Variants in TMEM63B observed in about 807,000 individuals in gnomAD.
TMEM63B encodes transmembrane protein 63B.
TMEM63B carries 23 observed loss-of-function variants against 102.6 expected under a neutral mutation model. That is an observed-to-expected ratio of 0.22 (90% confidence interval 0.16 to 0.32). The LOEUF (loss-of-function observed/expected upper bound fraction) is 0.32. Ranked by LOEUF, TMEM63B falls within the 10% of genes least tolerant of loss-of-function variation. The pLI, the probability that TMEM63B is intolerant of heterozygous loss-of-function variation, is 1.00. For missense variants in TMEM63B, 628 were observed against 1,095.9 expected (o/e 0.57, Z 6.03); for synonymous variants, 444 against 437.0 (o/e 1.02, Z -0.20).
Position 44,148,123 on chromosome 6 carries a change from C to CAA in TMEM63B, c.988-117_988-116dup, listed in dbSNP as rs371607572. The CAA allele has an allele frequency of 5.0e-4, 588 of 1,178,356 alleles. No homozygotes were observed. Among genetic ancestry groups the CAA allele is most frequent in the Middle Eastern group, 6.1e-4 (2 of 3,266 alleles). The allele number at this position is 1,178,356 out of a possible 1,614,324, so 73.0% of individuals were successfully genotyped here. A position where few individuals can be genotyped will look rare whatever the true frequency, so the allele number is the denominator to read the frequency against. Reference sequence around the variant, plus strand: ...GGGCATCAGAGCGAGACGCTGTTTCCAAAAAAAAAAAAATGCTTAGAGGAG... The same window carrying CAA: ...GGGCATCAGAGCGAGACGCTGTTTCCAAAAAAAAAAAAAAATGCTTAGAGGAG... On this transcript the variant is annotated intron_variant, in intron 12 of 23. Transcript: ENST00000323267. This position sits in a 1 kb window ranked among gnomAD's most constrained non-coding sequence, Gnocchi z 5.1.
chr6:44,153,878 G>A (rs201092055), intron 21 of TMEM63B, 35 bp downstream of exon 21: 28 of 1,599,626 alleles, frequency 1.8e-5, no homozygotes, highest in South Asian at 4.5e-5. Flanking sequence ...GGGGGGTGGC[G>A]AGCAGAGTGG....
chr6:44,154,413 C>G lies in TMEM63B; in HGVS notation c.2275C>G (p.Pro759Ala), dbSNP rs1282371858. Reference sequence around the variant, plus strand: ...TGTGGACCCCAGAAGCAATGGACGGCCCCCCACTGCTGCTGCTGTCCCCAA... The same window carrying G: ...TGTGGACCCCAGAAGCAATGGACGGGCCCCCACTGCTGCTGCTGTCCCCAA... ...DTVDPRSNGR[P>A]PTAAAVPKSA... The change falls in exon 23 of 24, where the codon CCC becomes GCC. Residue 759 changes from proline to alanine, a missense_variant. This residue lies in a region of TMEM63B where 129 missense variants were observed against 153.5 expected (regional missense o/e 0.84). Transcript: ENST00000323267. The G allele has an allele frequency of 1.9e-6, 3 of 1,614,002 alleles. No homozygotes were observed. The highest frequency in any genetic ancestry group is 1.7e-4 in the Middle Eastern group (1 of 6,058).
intron 1 of TMEM63B, among the ~76,000 whole-genome samples, chr6:44,129,462 G>A (rs1777878944): frequency 6.6e-6 from 1 of 152,004 alleles, no homozygotes; most frequent in African/African-American, 2.4e-5. Flanking sequence ...CAAGGTAACA[G>A]AAGTAAAGAG....
At position 44,139,464 on chromosome 6, in the gene TMEM63B, C is replaced by T. The variant is rs1763787870; in HGVS notation, c.408-3C>T. ...TTCCTTTGTCCAACCCGTATGGCTG[C>T]AGGGATGATGAGATCCGGGACAAAT... On this transcript the variant is annotated splice_polypyrimidine_tract_variant and splice_region_variant and intron_variant, in intron 6 of 23. Coordinates refer to ENST00000323267, the MANE Select transcript of TMEM63B (RefSeq NM_018426.3). 1 of 1,614,028 alleles carries T rather than the reference C, an allele frequency of 6.2e-7. No individual in the cohort carries two copies.
chr6:44,136,243 T>G, intron 4 of TMEM63B, 106 bp from the exon 5 acceptor site: 1 of 851,244 alleles, frequency 1.2e-6, no homozygotes, highest in Non-Finnish European at 2.0e-6. Flanking sequence ...GCGCTTCCTG[T>G]GCCTTCTGTG....
chr6:44,150,662 A>G lies in TMEM63B; in HGVS notation c.1673+33A>G, dbSNP rs769638055. 1.1e-5 allele frequency: 18 copies of G among 1,606,260 alleles called. No homozygotes were observed. Among genetic ancestry groups the G allele is most frequent in the Admixed American group, 6.7e-5 (4 of 59,938 alleles). Reference sequence around the variant, plus strand: ...ACTGGGGCCCCTAGGGAAAGAGACCAGACAGCAGGGGTGGGTATGCTTGAG... The same window carrying G: ...ACTGGGGCCCCTAGGGAAAGAGACCGGACAGCAGGGGTGGGTATGCTTGAG... On this transcript the variant is annotated intron_variant, in intron 18 of 23. Coordinates refer to ENST00000323267, the MANE Select transcript of TMEM63B (RefSeq NM_018426.3). The surrounding 1 kb of genome is among the most constrained non-coding windows in gnomAD (Gnocchi z 4.7).
Position 44,150,594 on chromosome 6 carries a change from TAAG to T in TMEM63B, c.1641_1643del (p.Lys548del). 1 of 1,614,144 alleles carries T rather than the reference TAAG, an allele frequency of 6.2e-7. No individual in the cohort carries two copies. Among genetic ancestry groups the T allele is most frequent in the Non-Finnish European group, 8.5e-7 (1 of 1,180,006 alleles). On this transcript the variant is annotated inframe_deletion, in exon 18 of 24. Coordinates refer to ENST00000323267, the MANE Select transcript of TMEM63B (RefSeq NM_018426.3). The surrounding 1 kb of genome is among the most constrained non-coding windows in gnomAD (Gnocchi z 4.7). ...ACCTCTTCTTCCGCTGGCTCTTTGA[TAAG>T]AAATTCTTGGCTGAGGCAGCTATTC...
At chr6:44,127,300 G>C (rs997745856), upstream of TMEM63B, 8 of 151,242 alleles carry the variant, frequency 5.3e-5, no homozygotes, top group Non-Finnish European at 1.2e-4. Flanking sequence ...AAGAGGAGAA[G>C]GAGGGAATGA....
At chr6:44,142,684 C>T (rs1023178769) in intron 10 of TMEM63B, among the ~76,000 whole-genome samples, 16 of 152,010 alleles carry the variant, frequency 1.1e-4, no homozygotes. Context: ...TGCTGGTGGT[C>T]TGGATCATGG....
At chr6:44,138,264 T>G in intron 5 of TMEM63B, 1 of 488,210 alleles carries the variant, frequency 2.0e-6, no homozygotes, top group Non-Finnish European at 3.8e-6. Flanking sequence ...GATAAACCTG[T>G]TTAGTGTTGG....
intron 5 of TMEM63B, among the ~76,000 whole-genome samples, chr6:44,137,975 C>G (rs1763337551): frequency 6.6e-6 from 1 of 152,186 alleles, no homozygotes; most frequent in Non-Finnish European, 1.5e-5. Flanking sequence ...GCTGGGATTA[C>G]AGGCGTGAGC....
chr6:44,150,550 C>T lies in TMEM63B; in HGVS notation c.1608-14C>T, dbSNP rs755388853. 6.8e-6 allele frequency: 11 copies of T among 1,614,096 alleles called. No individual in the cohort carries two copies. The South Asian group carries it at 1.2e-4, about 18-fold the overall frequency. ...CTCCAGCTCCCACCCCATCTCTCCTCTGCTTCCCTCCAGCCTGGACCTCTT... is the reference window on the plus strand; with the variant it reads ...CTCCAGCTCCCACCCCATCTCTCCTTTGCTTCCCTCCAGCCTGGACCTCTT... On this transcript the variant is annotated splice_polypyrimidine_tract_variant and intron_variant, in intron 17 of 23. Coordinates refer to ENST00000323267, the MANE Select transcript of TMEM63B (RefSeq NM_018426.3). The surrounding 1 kb of genome is among the most constrained non-coding windows in gnomAD (Gnocchi z 4.7).
At chr6:44,139,117 T>G (rs72858115) in intron 6 of TMEM63B, among the ~76,000 whole-genome samples, 9,003 of 152,068 alleles carry the variant, frequency 0.059, 480 homozygotes, top group East Asian at 0.23. Flanking sequence ...TCCTCAGATA[T>G]TTCTCTTTTT....
At position 44,136,456 on chromosome 6, in the gene TMEM63B, C is replaced by T. The variant is rs1055977495; in HGVS notation, c.369+17C>T. The T allele has an allele frequency of 1.9e-6, 3 of 1,599,076 alleles. No homozygotes were observed. The highest frequency in any genetic ancestry group is 1.3e-5 in the African/African-American group (1 of 74,718). ...AGGGACAATGTGAGTGCCCTCCCCC[C>T]AAACTTCTTAGTCCCCCACCCCACC... On this transcript the variant is annotated intron_variant, in intron 5 of 23. Transcript: ENST00000323267.
Position 44,152,497 on chromosome 6 carries a change from C to T in TMEM63B, c.1837-96C>T. The T allele has an allele frequency of 1.1e-6, 1 of 920,638 alleles. No homozygotes were observed. The highest frequency in any genetic ancestry group is 1.7e-6 in the Non-Finnish European group (1 of 576,412). 57.0% of individuals were successfully genotyped at this position (920,638 alleles called of 1,614,324 possible). ...TGTTCCCCATGGCTTCTTTTCCGGCCCCAGAGGTCCTGGCTCCCTTCCCCC... is the reference window on the plus strand; with the variant it reads ...TGTTCCCCATGGCTTCTTTTCCGGCTCCAGAGGTCCTGGCTCCCTTCCCCC... On this transcript the variant is annotated intron_variant, in intron 19 of 23. Transcript: ENST00000323267. This position sits in a 1 kb window ranked among gnomAD's most constrained non-coding sequence, Gnocchi z 6.4.
chr6:44,147,411 A>C lies in TMEM63B; in HGVS notation c.898A>C (p.Asn300His). The C allele has an allele frequency of 6.2e-7, 1 of 1,614,198 alleles. No individual in the cohort carries two copies. Among genetic ancestry groups the C allele is most frequent in the South Asian group, 1.1e-5 (1 of 91,074 alleles). Residue 300 changes from asparagine (N) to histidine (H), a missense_variant, in exon 12 of 24, where the codon AAC (asparagine) becomes CAC (histidine). Transcript: ENST00000323267. ...CGAGCGGGGAAAGCTGTACTTCACA[A>C]ACCTCCAGAGCAAGGAGAACGTGCC... is the stretch of plus-strand genomic sequence containing the variant. ...KAERGKLYFT[N>H]LQSKENVPTM... is the part of the protein sequence containing the mutation.
At chr6:44,135,132 C>A in intron 3 of TMEM63B, 36 bp downstream of exon 3, 1 of 1,608,616 alleles carries the variant, frequency 6.2e-7, no homozygotes, top group Admixed American at 1.7e-5. Context: ...GCTCTCCACA[C>A]ACACATCTTG....
At position 44,155,175 on chromosome 6, in the gene TMEM63B, G is replaced by C; in HGVS notation, c.*292G>C. The stretch of plus-strand genomic sequence containing the variant: ...CCCAGCTAGTAGCATGACCAGGAGA[G>C]GGTTAATGAGAGCCAAGAGGAGTAC... On this transcript the variant is annotated 3_prime_UTR_variant, in exon 24 of 24. Transcript: ENST00000323267. 1 of 230,892 alleles carries C rather than the reference G, an allele frequency of 4.3e-6. No homozygotes were observed. The highest frequency in any genetic ancestry group is 1.3e-4 in the South Asian group (1 of 7,514). The allele number at this position is 230,892 out of a possible 1,614,324, so 14.3% of individuals were successfully genotyped here.
intron 1 of TMEM63B, among the ~76,000 whole-genome samples, chr6:44,132,619 A>T (rs1193498254): frequency 6.6e-6 from 1 of 152,102 alleles, no homozygotes; most frequent in Admixed American, 6.5e-5. Context: ...GGTTCTGTGC[A>T]TCTTATGTTT....
Sources: gnomAD v4.1 joint callset for allele counts (sites outside exome capture counted in the v4.1 genomes callset) on GRCh38, gnomAD v4.1.1 for gene constraint, gnomAD v4.1.1 regional missense constraint, Gnocchi (gnomAD v3.1) non-coding constraint, MANE v1.5 for transcripts, NCBI Gene and HGNC (gene_info 2026-07-23, HGNC 2026-07-21) for gene names.